Variants in TENM3 observed in about 807,000 individuals in gnomAD.
The protein encoded by TENM3 is teneurin-3.
In TENM3, 63 loss-of-function variants were observed where a neutral mutation model predicts 255.1. The observed-to-expected ratio is 0.25, with a 90% CI of 0.20 to 0.30. The LOEUF (loss-of-function observed/expected upper bound fraction) is 0.30, where lower values mean the gene tolerates loss of function less well. Ranked by LOEUF, TENM3 falls within the 10% of genes least tolerant of loss-of-function variation. The pLI, the probability that TENM3 is intolerant of heterozygous loss-of-function variation, is 1.00. For synonymous variants in TENM3, 1,306 were observed against 1,322.3 expected (o/e 0.99, Z 0.27); for missense variants, 2,929 against 3,461.1 (o/e 0.85, Z 3.86).
At chr4:181,456,344 C>T in the TENM3 span, among the ~76,000 whole-genome samples, 1 of 151,812 alleles carries the variant, frequency 6.6e-6, no homozygotes, top group East Asian at 1.9e-4. Context: ...GACCATTAAC[C>T]TATTCCTTGC....
chr4:182,064,107 AACCGTGTAAT>A, the TENM3 span, among the ~76,000 whole-genome samples: 1 of 152,074 alleles, frequency 6.6e-6, no homozygotes, highest in Non-Finnish European at 1.5e-5. Context: ...CAGTCTCCTC[AACCGTGTAAT>A]ACCTTTCTTG....
chr4:182,324,978 T>C (rs754808324), intron 2 of TENM3, among the ~76,000 whole-genome samples: 11 of 152,182 alleles, frequency 7.2e-5, no homozygotes, highest in Non-Finnish European at 1.5e-4. Flanking sequence ...ATTTCTACTC[T>C]TAAGACAGTA....
intron 2 of TENM3, among the ~76,000 whole-genome samples, chr4:182,346,146 G>A (rs550609846): frequency 2.0e-5 from 3 of 151,998 alleles, no homozygotes; most frequent in Admixed American, 1.3e-4. Context: ...AAGTCAAGGC[G>A]GAAAAATATA....
the TENM3 span, among the ~76,000 whole-genome samples, chr4:181,752,700 C>T: frequency 1.3e-5 from 2 of 151,762 alleles, no homozygotes; most frequent in Middle Eastern, 3.2e-3. Flanking sequence ...AAACCCCTGC[C>T]GCAGACAGCA....
chr4:182,496,177 A>T (rs1735756699), intron 3 of TENM3, among the ~76,000 whole-genome samples: 1 of 152,154 alleles, frequency 6.6e-6, no homozygotes, highest in African/African-American at 2.4e-5. Flanking sequence ...TGGTTTACTC[A>T]TATTCTGCCA....
At chr4:182,225,259 AGC>A (rs1255539388) in intron 1 of TENM3, among the ~76,000 whole-genome samples, 1 of 152,150 alleles carries the variant, frequency 6.6e-6, no homozygotes, top group Non-Finnish European at 1.5e-5. Flanking sequence ...GGATATATCT[AGC>A]AGTTAAGTTT....
the TENM3 span, among the ~76,000 whole-genome samples, chr4:181,582,022 T>C: frequency 6.6e-6 from 1 of 152,200 alleles, no homozygotes; most frequent in Admixed American, 6.5e-5. Flanking sequence ...CATGAGACAC[T>C]GTGCCTGGCC....
the TENM3 span, among the ~76,000 whole-genome samples, chr4:181,957,375 G>A: frequency 8.5e-5 from 13 of 152,066 alleles, no homozygotes; most frequent in African/African-American, 3.1e-4. Context: ...TCAGCAAGGG[G>A]GCGGATCACA....
At chr4:182,249,853 C>T (rs546353570) in intron 1 of TENM3, among the ~76,000 whole-genome samples, 5 of 152,076 alleles carry the variant, frequency 3.3e-5, no homozygotes, top group South Asian at 2.1e-4. Flanking sequence ...TAGCCTCACA[C>T]GCCTGAGCTC....
chr4:181,492,027 C>A, the TENM3 span, among the ~76,000 whole-genome samples: 18 of 152,108 alleles, frequency 1.2e-4, no homozygotes, highest in African/African-American at 4.1e-4. Context: ...GCCGTTTCTT[C>A]TTAGTAGTAG....
intron 3 of TENM3, among the ~76,000 whole-genome samples, chr4:182,580,384 C>T (rs1175602746): frequency 6.6e-6 from 1 of 152,152 alleles, no homozygotes; most frequent in Non-Finnish European, 1.5e-5. Context: ...GACTTCGGCT[C>T]TCATGTTTTG....
intron 1 of TENM3, among the ~76,000 whole-genome samples, chr4:182,199,452 A>G (rs148568778): frequency 6.6e-6 from 1 of 152,218 alleles, no homozygotes; most frequent in African/African-American, 2.4e-5. Flanking sequence ...AACATTGCCT[A>G]TTGCCCATTT....
At chr4:182,413,615 CAA>C (rs57318207) in intron 3 of TENM3, among the ~76,000 whole-genome samples, 1 of 144,390 alleles carries the variant, frequency 6.9e-6, no homozygotes, top group African/African-American at 2.6e-5. Context: ...GACTCTGTCT[CAA>C]AAAAAAAAAC....
chr4:182,660,979 C>T (rs913538917), intron 6 of TENM3, among the ~76,000 whole-genome samples: 2 of 152,036 alleles, frequency 1.3e-5, no homozygotes, highest in African/African-American at 2.4e-5. Flanking sequence ...AAGACACATG[C>T]CCAATTTTAG....
In TENM3 at chr4:182,754,607, G is replaced by A. The variant is rs1259453461; in HGVS notation, c.4240G>A (p.Gly1414Arg). Residue 1414 changes from glycine (G) to arginine (R), a missense_variant, in exon 22 of 28, where the codon GGG (glycine) becomes AGG (arginine). Gly to Arg is a moderately radical substitution (Grantham distance 125, BLOSUM62 -2). Transcript: ENST00000511685. The surrounding 1 kb of genome is among the most constrained non-coding windows in gnomAD (Gnocchi z 5.1). ...CACTGCCATTGCTGTGTCCTACAGT[G>A]GGGTCCTGTACATTACTGAAACTGA... ...SATAIAVSYS[G>R]VLYITETDEK... 7 of 1,614,000 alleles carry A rather than the reference G, an allele frequency of 4.3e-6. No individual in the cohort carries two copies. Among genetic ancestry groups the A allele is most frequent in the Non-Finnish European group, 5.9e-6 (7 of 1,179,874 alleles).
At chr4:182,408,441 G>A (rs1447281481) in intron 3 of TENM3, among the ~76,000 whole-genome samples, 2 of 152,166 alleles carry the variant, frequency 1.3e-5, no homozygotes, top group African/African-American at 4.8e-5. Flanking sequence ...GGTTGGTTGT[G>A]TTTCCCTAGA....
intron 3 of TENM3, among the ~76,000 whole-genome samples, chr4:182,460,242 C>T (rs981670815): frequency 6.6e-6 from 1 of 152,110 alleles, no homozygotes; most frequent in African/African-American, 2.4e-5. Flanking sequence ...TGAAACAATA[C>T]ATTGAATTAT....
At chr4:182,001,751 G>A in the TENM3 span, among the ~76,000 whole-genome samples, 1 of 152,062 alleles carries the variant, frequency 6.6e-6, no homozygotes, top group African/African-American at 2.4e-5. Flanking sequence ...CATATATTTA[G>A]ACTTGTTAAA....
At chr4:182,675,714 G>A (rs1210943933) in intron 7 of TENM3, among the ~76,000 whole-genome samples, 1 of 152,170 alleles carries the variant, frequency 6.6e-6, no homozygotes, top group South Asian at 2.1e-4. Flanking sequence ...CCTCTAAGCT[G>A]AGCACAATAG....
Sources: gnomAD v4.1 joint callset for allele counts (sites outside exome capture counted in the v4.1 genomes callset) on GRCh38, gnomAD v4.1.1 for gene constraint, Gnocchi (gnomAD v3.1) non-coding constraint, MANE v1.5 for transcripts, NCBI Gene and HGNC (gene_info 2026-07-23, HGNC 2026-07-21) for gene names.